The following MARCHF1 variants were observed in gnomAD, a reference collection of about 807,000 sequenced individuals.
MARCHF1 encodes E3 ubiquitin-protein ligase MARCHF1.
In MARCHF1, 40 loss-of-function variants were observed where a neutral mutation model predicts 54.2. The ratio of observed to expected loss-of-function variants is 0.74; its 90% CI spans 0.57 to 0.96. MARCHF1 has a LOEUF of 0.96. MARCHF1 is among the 40% of genes least tolerant of loss of function. The pLI is 0.00. For missense variants in MARCHF1, 586 were observed against 656.5 expected, an observed-to-expected ratio of 0.89 and a Z score of 1.17; for synonymous variants, 236 against 236.3, an observed-to-expected ratio of 1.00 and a Z score of 0.01.
chr4:164,199,675 C>CAGAGAGAGAG (rs1320121142), intron 1 of MARCHF1, among the ~76,000 whole-genome samples: 1 of 54,424 alleles, frequency 1.8e-5, no homozygotes, highest in African/African-American at 1.1e-4. Flanking sequence ...CACACACACA[C>CAGAGAGAGAG]ACACACAGAG....
chr4:164,332,310 T>C (rs1346699698), intron 1 of MARCHF1, among the ~76,000 whole-genome samples: 1 of 152,226 alleles, frequency 6.6e-6, no homozygotes, highest in Non-Finnish European at 1.5e-5. Context: ...TTAAAAATAA[T>C]AATGCCATGG....
intron 1 of MARCHF1, among the ~76,000 whole-genome samples, chr4:164,358,512 A>G (rs563091553): frequency 6.6e-6 from 1 of 152,330 alleles, no homozygotes; most frequent in South Asian, 2.1e-4. Context: ...GATATCTGAA[A>G]TTAGTTTTAC....
chr4:163,676,742 G>A lies in MARCHF1; in HGVS notation c.162+24071C>T, dbSNP rs1461563835. Among the ~76,000 whole-genome samples the A allele has an allele frequency of 2.0e-5, 3 of 152,042 alleles. No individual in the cohort carries two copies. In the East Asian group the frequency reaches 5.8e-4, roughly 29 times the overall value. ...CTGCACTCCCTAGGTGACAAGGTGA[G>A]ACCCTGTCCCAAAAAGAAATAATAA... On this transcript the variant is annotated intron_variant, in intron 5 of 9. Transcript: ENST00000514618.
chr4:163,645,660 A>T (rs572320596), intron 5 of MARCHF1, among the ~76,000 whole-genome samples: 1 of 152,344 alleles, frequency 6.6e-6, no homozygotes, highest in Admixed American at 6.5e-5. Context: ...AAGTTTAATA[A>T]AGATATAAAG....
intron 2 of MARCHF1, among the ~76,000 whole-genome samples, chr4:164,099,063 T>C (rs1401652106): frequency 6.6e-6 from 1 of 152,218 alleles, no homozygotes; most frequent in Non-Finnish European, 1.5e-5. Flanking sequence ...TGCATGTATG[T>C]GTTATCATCA....
intron 4 of MARCHF1, among the ~76,000 whole-genome samples, chr4:163,805,359 T>C (rs1462543700): frequency 7.2e-6 from 1 of 138,086 alleles, no homozygotes; most frequent in Non-Finnish European, 1.6e-5. Flanking sequence ...AATAAAATAT[T>C]TCACTGTCTC....
At chr4:164,056,826 T>G (rs1754500652) in intron 2 of MARCHF1, among the ~76,000 whole-genome samples, 1 of 152,178 alleles carries the variant, frequency 6.6e-6, no homozygotes, top group African/African-American at 2.4e-5. Flanking sequence ...TGCCAAGGGC[T>G]TGGAGCTGTG....
At chr4:163,596,988 C>T (rs1038910617) in intron 7 of MARCHF1, among the ~76,000 whole-genome samples, 1 of 152,012 alleles carries the variant, frequency 6.6e-6, no homozygotes, top group African/African-American at 2.4e-5. Context: ...CGGAGTCTTG[C>T]TCTGTCGCCT....
At chr4:164,273,401 T>C (rs1017253092) in intron 1 of MARCHF1, among the ~76,000 whole-genome samples, 1 of 152,070 alleles carries the variant, frequency 6.6e-6, no homozygotes, top group African/African-American at 2.4e-5. Flanking sequence ...CCTTGACATG[T>C]GGGGATTATG....
At chr4:163,626,569 C>A (rs975806604) in intron 5 of MARCHF1, among the ~76,000 whole-genome samples, 2 of 152,010 alleles carry the variant, frequency 1.3e-5, no homozygotes, top group African/African-American at 4.8e-5. Context: ...TTTAAAGCCC[C>A]ATTAATATCT....
intron 4 of MARCHF1, among the ~76,000 whole-genome samples, chr4:163,757,689 G>A (rs6857860): frequency 0.024 from 3,616 of 152,236 alleles, 142 homozygotes; most frequent in African/African-American, 0.081. Context: ...CATAGCTTGA[G>A]AAGCAACTAT....
At chr4:164,069,320 G>T (rs915020040) in intron 2 of MARCHF1, among the ~76,000 whole-genome samples, 2 of 152,216 alleles carry the variant, frequency 1.3e-5, no homozygotes, top group Non-Finnish European at 2.9e-5. Context: ...AAAGCAGGCT[G>T]CCTGAGCCAG....
intron 1 of MARCHF1, among the ~76,000 whole-genome samples, chr4:164,185,616 G>C (rs182791943): frequency 2.4e-4 from 37 of 152,138 alleles, no homozygotes; most frequent in African/African-American, 8.7e-4. Context: ...CTTATCTAAA[G>C]GAAGAGCTAT....
chr4:163,600,421 G>A (rs1038838182), intron 7 of MARCHF1, among the ~76,000 whole-genome samples: 6 of 152,064 alleles, frequency 3.9e-5, no homozygotes, highest in Admixed American at 1.3e-4. Flanking sequence ...TTTCCCAGGT[G>A]AGTGTAACAT....
intron 2 of MARCHF1, among the ~76,000 whole-genome samples, chr4:164,015,906 A>ACCCCC (rs1214731026): frequency 2.7e-5 from 4 of 147,630 alleles, no homozygotes; most frequent in African/African-American, 1.1e-4. Context: ...TCCCCAAAAA[A>ACCCCC]AAAAAAAACT....
At chr4:164,073,320 A>G (rs1261326927) in intron 2 of MARCHF1, among the ~76,000 whole-genome samples, 1 of 152,218 alleles carries the variant, frequency 6.6e-6, no homozygotes, top group Non-Finnish European at 1.5e-5. Flanking sequence ...GCAGCCATAA[A>G]AAAGAATGAT....
At chr4:164,382,595 A>G (rs954884490) in intron 1 of MARCHF1, among the ~76,000 whole-genome samples, 1 of 152,222 alleles carries the variant, frequency 6.6e-6, no homozygotes, top group Non-Finnish European at 1.5e-5. Flanking sequence ...GCAAACTTTC[A>G]CTTCTTTCCA....
intron 8 of MARCHF1, among the ~76,000 whole-genome samples, chr4:163,560,394 T>G (rs1739430387): frequency 6.6e-6 from 1 of 152,240 alleles, no homozygotes; most frequent in Non-Finnish European, 1.5e-5. Context: ...CTTGTCAGTC[T>G]TAACAACTAT....
At chr4:163,928,830 C>T (rs1404176881) in intron 3 of MARCHF1, among the ~76,000 whole-genome samples, 1 of 151,522 alleles carries the variant, frequency 6.6e-6, no homozygotes, top group East Asian at 1.9e-4. Flanking sequence ...AATTTTTAAC[C>T]ACAATGAAAT....
Sources: gnomAD v4.1 joint callset for allele counts (sites outside exome capture counted in the v4.1 genomes callset) on GRCh38, gnomAD v4.1.1 for gene constraint, MANE v1.5 for transcripts, NCBI Gene and HGNC (gene_info 2026-07-23, HGNC 2026-07-21) for gene names.